The following CCM2L variants were observed in gnomAD, a reference collection of about 807,000 sequenced individuals.
CCM2L encodes the protein CCM2 like scaffold protein.
Under a neutral mutation model 54.1 loss-of-function variants are expected in CCM2L, and 36 were observed. The ratio of observed to expected loss-of-function variants is 0.67; its 90% CI spans 0.51 to 0.88. The LOEUF is 0.88. Ranked by LOEUF, CCM2L falls within the 40% of genes least tolerant of loss-of-function variation. The pLI is 0.00. For missense variants in CCM2L, 700 were observed against 812.1 expected, an observed-to-expected ratio of 0.86 and a Z score of 1.68; for synonymous variants, 351 against 359.3, an observed-to-expected ratio of 0.98 and a Z score of 0.26.
At chr20:32,012,083 C>T (rs1568906289) in intron 1 of CCM2L, among the ~76,000 whole-genome samples, 3 of 152,092 alleles carry the variant, frequency 2.0e-5, no homozygotes, top group African/African-American at 4.8e-5. Flanking sequence ...GCTTGGCATG[C>T]TTTCTCCCAG....
intron 6 of CCM2L, among the ~76,000 whole-genome samples, chr20:32,023,294 C>T (rs143380133): frequency 6.6e-6 from 1 of 152,324 alleles, no homozygotes; most frequent in East Asian, 1.9e-4. Context: ...TGATCTCAAA[C>T]TTAGCTTCTT....
intron 7 of CCM2L, among the ~76,000 whole-genome samples, chr20:32,027,244 C>A (rs967443805): frequency 6.6e-6 from 1 of 152,198 alleles, no homozygotes; most frequent in Admixed American, 6.5e-5. Context: ...GCAGTCTCTG[C>A]CAGTGATATA....
intron 8 of CCM2L, 126 bp from the exon 9 acceptor site, chr20:32,029,574 C>A: frequency 1.6e-6 from 2 of 1,229,158 alleles, no homozygotes; most frequent in Middle Eastern, 2.5e-4. Flanking sequence ...CTCTGAATAG[C>A]CCATGGGAAG....
intron 2 of CCM2L, among the ~76,000 whole-genome samples, chr20:32,016,271 A>T (rs1483556973): frequency 6.6e-6 from 1 of 152,242 alleles, no homozygotes. Context: ...TCTGAATTTC[A>T]GATAAGCAAT....
rs768040472 is a variant in CCM2L, at chr20:32,022,731, G to A, written c.1005G>A (p.Glu335=). The A allele has an allele frequency of 6.2e-7, 1 of 1,614,038 alleles. No homozygotes were observed. The highest frequency in any genetic ancestry group is 1.3e-5 in the African/African-American group (1 of 75,010). Residue 335 remains glutamate (E), a synonymous_variant, in exon 6 of 10, where the codon GAG becomes GAA. Coordinates refer to ENST00000452892, the MANE Select transcript of CCM2L (RefSeq NM_001365692.1). ...TCATCTACGGGGACCAGAGTATTGAGTGTGTGGACCGGGCTGGCTACCACT... is the reference window on the plus strand; with the variant it reads ...TCATCTACGGGGACCAGAGTATTGAATGTGTGGACCGGGCTGGCTACCACT... ...FQIIYGDQSI[E]CVDRAGYHYT...
At chr20:32,024,895 G>A (rs566694311) in intron 6 of CCM2L, among the ~76,000 whole-genome samples, 1 of 152,326 alleles carries the variant, frequency 6.6e-6, no homozygotes, top group South Asian at 2.1e-4. Context: ...CACCTGGAGG[G>A]TAAGGAAGCA....
intron 4 of CCM2L, 55 bp from the exon 5 acceptor site, chr20:32,018,888 G>GC: frequency 8.1e-7 from 1 of 1,238,222 alleles, no homozygotes. Flanking sequence ...TCGGCGGGGC[G>GC]GGGGGGTCTC....
In CCM2L at chr20:32,018,927, C is replaced by T; in HGVS notation, c.467-16C>T. 3 of 1,321,820 alleles carry T rather than the reference C, an allele frequency of 2.3e-6. No individual in the cohort carries two copies. The highest frequency in any genetic ancestry group is 1.5e-5 in the African/African-American group (1 of 64,932). The allele number at this position is 1,321,820 out of a possible 1,614,324, so 81.9% of individuals were successfully genotyped here. On this transcript the variant is annotated splice_polypyrimidine_tract_variant and intron_variant, in intron 4 of 9. Coordinates refer to ENST00000452892, the MANE Select transcript of CCM2L (RefSeq NM_001365692.1). Reference sequence around the variant, plus strand: ...GTCCCGATCCCCGCGGCTGACGGTCCCCCGGACTCTCCTAGGTCTGGGTGT... The same window carrying T: ...GTCCCGATCCCCGCGGCTGACGGTCTCCCGGACTCTCCTAGGTCTGGGTGT...
chr20:32,029,217 T>C (rs941499410), intron 8 of CCM2L, 93 bp downstream of exon 8: 15 of 1,555,762 alleles, frequency 9.6e-6, no homozygotes, highest in Non-Finnish European at 1.2e-5. Flanking sequence ...GGACATAACC[T>C]AAGCAGAAGA....
chr20:32,027,021 GAAATAAATAAATAAAC>G (rs1322421493), intron 7 of CCM2L, among the ~76,000 whole-genome samples: 1 of 152,088 alleles, frequency 6.6e-6, no homozygotes, highest in Non-Finnish European at 1.5e-5. Flanking sequence ...TGTCTCTATT[GAAATAAATAAATAAAC>G]AAATAAATAA....
At position 32,014,934 on chromosome 20, in the gene CCM2L, T is replaced by C. The variant is rs2064727066; in HGVS notation, c.61T>C (p.Phe21Leu). The change falls in exon 2 of 10, where the codon TTC becomes CTC. Residue 21 changes from phenylalanine to leucine, a missense_variant. Phe to Leu is a conservative substitution (Grantham distance 22). Transcript: ENST00000452892. ...TGTATCCCCCATCCGAAGGCTGGTG[T>C]TCCCCAAGGCCGGGCGCCGGGCAGC... ...GFVSPIRRLVFPKAGRRAACR... is the reference protein window; with the variant it reads ...GFVSPIRRLVLPKAGRRAACR... The C allele has an allele frequency of 1.2e-6, 2 of 1,601,808 alleles. No individual in the cohort carries two copies. The highest frequency in any genetic ancestry group is 1.4e-5 in the African/African-American group (1 of 73,728).
intron 1 of CCM2L, among the ~76,000 whole-genome samples, chr20:32,013,057 G>T (rs767368442): frequency 1.3e-5 from 2 of 152,142 alleles, no homozygotes; most frequent in Non-Finnish European, 2.9e-5. Context: ...CCAGCACTTT[G>T]GGAGGCCAAG....
At chr20:32,028,557 AC>A (rs1387107956) in intron 7 of CCM2L, 1 of 172,358 alleles carries the variant, frequency 5.8e-6, no homozygotes, top group Non-Finnish European at 1.2e-5. Context: ...GCTTGGGGGT[AC>A]CTGGAAAGGC....
Position 32,022,761 on chromosome 20 carries a change from A to G in CCM2L, c.1035A>G (p.Thr345=). ...TGGACCGGGCTGGCTACCACTACAC[A>G]TCCACACCTGAACGGCCATGGCTCT... ...ECVDRAGYHY[T]STPERPWLCS... Residue 345 remains threonine, a synonymous_variant, in exon 6 of 10, where the codon ACA becomes ACG. Transcript: ENST00000452892. 1 of 1,613,608 alleles carries G rather than the reference A, an allele frequency of 6.2e-7. No homozygotes were observed. The highest frequency in any genetic ancestry group is 8.5e-7 in the Non-Finnish European group (1 of 1,180,018).
intron 5 of CCM2L, among the ~76,000 whole-genome samples, chr20:32,020,748 G>A (rs1363726771): frequency 6.6e-6 from 1 of 152,198 alleles, no homozygotes; most frequent in Non-Finnish European, 1.5e-5. Flanking sequence ...CACTTTGGGA[G>A]GCTGAGGCGG....
At chr20:32,030,906 C>T in intron 9 of CCM2L, 95 bp from the exon 10 acceptor site, 1 of 1,115,208 alleles carries the variant, frequency 9.0e-7, no homozygotes, top group African/African-American at 1.7e-5. Context: ...TGAGTGACAG[C>T]AGGGATTTGC....
intron 6 of CCM2L, among the ~76,000 whole-genome samples, chr20:32,025,136 C>T (rs2064844638): frequency 6.9e-6 from 1 of 145,694 alleles, no homozygotes; most frequent in African/African-American, 2.5e-5. Flanking sequence ...TCTTTCTTTT[C>T]TTTTCCTTCC....
intron 2 of CCM2L, among the ~76,000 whole-genome samples, chr20:32,016,226 G>A (rs903940882): frequency 6.6e-6 from 1 of 152,130 alleles, no homozygotes; most frequent in Non-Finnish European, 1.5e-5. Context: ...GGGTAGGGTT[G>A]TCTGAACTGG....
chr20:32,017,695 A>T, intron 2 of CCM2L, 105 bp from the exon 3 acceptor site: 1 of 915,674 alleles, frequency 1.1e-6, no homozygotes, highest in Non-Finnish European at 1.8e-6. Context: ...TAATTCATGT[A>T]TTTCTATCTC....
Sources: gnomAD v4.1 joint callset for allele counts (sites outside exome capture counted in the v4.1 genomes callset) on GRCh38, gnomAD v4.1.1 for gene constraint, MANE v1.5 for transcripts, NCBI Gene and HGNC (gene_info 2026-07-23, HGNC 2026-07-21) for gene names.